Variants in NRXN2 observed in about 807,000 individuals in gnomAD.
NRXN2 encodes the protein neurexin 2.
A neutral mutation model predicts 128.8 loss-of-function variants in NRXN2; 29 were observed. The observed-to-expected ratio is 0.23, with a 90% CI of 0.17 to 0.31. NRXN2 has a LOEUF of 0.31. Ranked by LOEUF, NRXN2 falls within the 10% of genes least tolerant of loss-of-function variation. The probability of loss-of-function intolerance (pLI) is 1.00; values close to 1 mark genes in which losing one functional copy is unlikely to be tolerated. For synonymous variants in NRXN2, 1,098 were observed against 1,075.2 expected (o/e 1.02, Z -0.41); for missense variants, 1,881 against 2,452.6 (o/e 0.77, Z 4.92).
At chr11:64,628,156 C>CTTTG (rs763716849) in intron 19 of NRXN2, among the ~76,000 whole-genome samples, 2 of 152,192 alleles carry the variant, frequency 1.3e-5, no homozygotes, top group Non-Finnish European at 2.9e-5. Context: ...TATTGAGCAC[C>CTTTG]TTTGCTATGC....
In NRXN2 at chr11:64,635,403, C is replaced by A; in HGVS notation, c.3453G>T (p.Thr1151=). ...TGCTGGGCCTGTCATTGGGGGGCCA[C>A]GTGTAGGTGATGAGCGCTCCCCCCT... ...FGKGGALITY[T]WPPNDRPSTR... is the part of the protein sequence containing the mutation. Residue 1151 remains threonine (T), a synonymous_variant, in exon 18 of 23, where the codon ACG becomes ACT. Transcript: ENST00000265459. The surrounding 1 kb of genome is among the most constrained non-coding windows in gnomAD (Gnocchi z 4.8). 1 of 1,613,772 alleles carries A rather than the reference C, an allele frequency of 6.2e-7. No individual in the cohort carries two copies. The highest frequency in any genetic ancestry group is 2.2e-5 in the East Asian group (1 of 44,868).
intron 6 of NRXN2, among the ~76,000 whole-genome samples, chr11:64,682,303 G>A (rs966328134): frequency 8.0e-5 from 12 of 150,702 alleles, no homozygotes; most frequent in African/African-American, 2.7e-4. Context: ...CTCCATCCTT[G>A]GCAGACTCTA....
chr11:64,671,491 C>G (rs1201142182), intron 7 of NRXN2, among the ~76,000 whole-genome samples: 1 of 152,116 alleles, frequency 6.6e-6, no homozygotes, highest in Admixed American at 6.5e-5. Flanking sequence ...CCCCTGCCCC[C>G]CAACCTCCCC....
rs1287929853 is a variant in NRXN2, at chr11:64,635,773, A to G, written c.3404-321T>C. On this transcript the variant is annotated intron_variant, in intron 17 of 22. Coordinates refer to ENST00000265459, the MANE Select transcript of NRXN2 (RefSeq NM_015080.4). This position sits in a 1 kb window ranked among gnomAD's most constrained non-coding sequence, Gnocchi z 4.8. The stretch of plus-strand genomic sequence containing the variant: ...GCTGTAAGGAGACTGAGAAGACAAG[A>G]GTGCTGTGGGCAGGAAAGACCCAGG... 1.3e-5 allele frequency among the ~76,000 whole-genome samples: 2 copies of G among 152,182 alleles called. No homozygotes were observed. The highest frequency in any genetic ancestry group is 3.9e-4 in the East Asian group (2 of 5,188).
At chr11:64,697,845 G>C (rs2054782995) in intron 2 of NRXN2, 53 bp from the exon 3 acceptor site, 1 of 1,609,040 alleles carries the variant, frequency 6.2e-7, no homozygotes, top group Non-Finnish European at 8.5e-7. Context: ...AGAAAAAGGA[G>C]GGCTGTTAGC....
chr11:64,700,834 G>A (rs1436099589), intron 2 of NRXN2, among the ~76,000 whole-genome samples: 1 of 152,148 alleles, frequency 6.6e-6, no homozygotes, highest in East Asian at 1.9e-4. Flanking sequence ...CTGTCTCTGA[G>A]TGTCTCATGG....
chr11:64,700,277 G>T (rs2055150949), intron 2 of NRXN2, among the ~76,000 whole-genome samples: 1 of 152,130 alleles, frequency 6.6e-6, no homozygotes, highest in Non-Finnish European at 1.5e-5. Context: ...CAGTGCAATT[G>T]CTCGTCCAAC....
rs745372592 is a variant in NRXN2, at chr11:64,660,475, A to C, written c.2246T>G (p.Met749Arg). 2 of 1,614,196 alleles carry C rather than the reference A, an allele frequency of 1.2e-6. No individual in the cohort carries two copies. The highest frequency in any genetic ancestry group is 2.2e-5 in the South Asian group (2 of 91,084). The change falls in exon 11 of 23, where the codon ATG (methionine) becomes AGG (arginine). Residue 749 changes from methionine to arginine, a missense_variant. By Grantham distance (91) the Met-to-Arg change is moderately conservative. Around this residue, in one of 7 missense-constraint regions of NRXN2, gnomAD observed 997 missense variants for 1,240.8 expected, o/e 0.80. Transcript: ENST00000265459. The surrounding 1 kb of genome is among the most constrained non-coding windows in gnomAD (Gnocchi z 5.2). The part of the protein sequence containing the change: ...MYMKIMLPNA[M>R]HTEAEDVSLR... ...GGACACATCCTCTGCCTCCGTGTGCATGGCGTTAGGCAGCATGATCTTCAT... is the reference window on the plus strand; with the variant it reads ...GGACACATCCTCTGCCTCCGTGTGCCTGGCGTTAGGCAGCATGATCTTCAT...
At chr11:64,647,640 G>T (rs1020973161) in intron 17 of NRXN2, among the ~76,000 whole-genome samples, 1 of 152,176 alleles carries the variant, frequency 6.6e-6, no homozygotes, top group Non-Finnish European at 1.5e-5. Context: ...AACTGCAGCC[G>T]GGATTATTGG....
rs561938187 is a variant in NRXN2 at position 64,668,964 on chromosome 11, G to A, written c.1198-360C>T. ...GACGGATCCCCCATTCTGGGGCACAGGATGGGTGCAAATGGCATCCTCACT... is the reference window on the plus strand; with the variant it reads ...GACGGATCCCCCATTCTGGGGCACAAGATGGGTGCAAATGGCATCCTCACT... On this transcript the variant is annotated intron_variant, in intron 7 of 22. Transcript: ENST00000265459. Among the ~76,000 whole-genome samples the A allele has an allele frequency of 2.0e-5, 3 of 152,250 alleles. No homozygotes were observed. In the East Asian group the frequency reaches 5.8e-4, roughly 30 times the overall value.
intron 9 of NRXN2, chr11:64,661,489 T>TG: frequency 1.1e-6 from 1 of 919,138 alleles, no homozygotes; most frequent in South Asian, 2.6e-5. Flanking sequence ...GATCATTCAC[T>TG]GGGTCATTCC....
At chr11:64,628,191 A>G (rs2043350585) in intron 19 of NRXN2, among the ~76,000 whole-genome samples, 1 of 152,228 alleles carries the variant, frequency 6.6e-6, no homozygotes, top group South Asian at 2.1e-4. Flanking sequence ...GTTTAATGAC[A>G]TTCTCACAGT....
Position 64,713,848 on chromosome 11 carries a change from GAGGCGC to G in NRXN2, c.-155_-150del, listed in dbSNP as rs1262116429. 6.7e-6 allele frequency: 2 copies of G among 296,550 alleles called. No individual in the cohort carries two copies. Among genetic ancestry groups the G allele is most frequent in the Admixed American group, 1.2e-4 (2 of 16,020 alleles). 18.4% of individuals were successfully genotyped at this position (296,550 alleles called of 1,614,324 possible). On this transcript the variant is annotated 5_prime_UTR_variant, in exon 2 of 23. Transcript: ENST00000265459. ...AGTGCCATGGGCCCGGCCGCGGGGC[GAGGCGC>G]GCAGAGGCCCAGATGCCGGCTTCCC...
chr11:64,692,001 G>A (rs1035414212), intron 4 of NRXN2, among the ~76,000 whole-genome samples: 1 of 152,242 alleles, frequency 6.6e-6, no homozygotes, highest in African/African-American at 2.4e-5. Flanking sequence ...AGTGACAGCA[G>A]AGGGCTAGAG....
At position 64,648,262 on chromosome 11, in the gene NRXN2, G is replaced by A. The variant is rs770043432; in HGVS notation, c.3360C>T (p.Cys1120=). The part of the protein sequence containing the change: ...VCLQQWDGFT[C]DCTMTSYGGP... ...CTCCATAGGAAGTCATGGTGCAGTC[G>A]CAGGTGAAGCCATCCCACTGCTGCA... The change falls in exon 17 of 23, where the codon TGC becomes TGT. Residue 1120 remains cysteine, a synonymous_variant. Coordinates refer to ENST00000265459, the MANE Select transcript of NRXN2 (RefSeq NM_015080.4). The surrounding 1 kb of genome is among the most constrained non-coding windows in gnomAD (Gnocchi z 4.1). The A allele has an allele frequency of 5.6e-6, 9 of 1,614,104 alleles. No individual in the cohort carries two copies. The highest frequency in any genetic ancestry group is 6.8e-6 in the Non-Finnish European group (8 of 1,180,046).
chr11:64,634,235 G>C (rs1006650249), intron 18 of NRXN2, among the ~76,000 whole-genome samples: 7 of 152,216 alleles, frequency 4.6e-5, no homozygotes, highest in African/African-American at 1.4e-4. Flanking sequence ...CCTGGCCAGG[G>C]TGAGCATGTG....
At position 64,622,869 on chromosome 11, in the gene NRXN2, T is replaced by C; in HGVS notation, c.4057A>G (p.Thr1353Ala). Residue 1353 changes from threonine to alanine, a missense_variant, in exon 21 of 23, where the codon ACG becomes GCG. Thr to Ala is a moderately conservative substitution (Grantham distance 58). Transcript: ENST00000265459. The surrounding 1 kb of genome is among the most constrained non-coding windows in gnomAD (Gnocchi z 4.3). ...ATGTCAGCCAGCAGGGTGGTGGCCG[T>C]GGTCTCCGCACTGAGCAGCACGGAC... Reference protein sequence around the residue: ...GPSVLLSAETTATTLLADMAT... With the variant: ...GPSVLLSAETAATTLLADMAT... 6.2e-7 allele frequency: 1 copy of C among 1,612,884 alleles called. No homozygotes were observed. The highest frequency in any genetic ancestry group is 1.1e-5 in the South Asian group (1 of 91,002).
intron 2 of NRXN2, among the ~76,000 whole-genome samples, chr11:64,711,937 C>A (rs567771243): frequency 3.4e-4 from 51 of 151,874 alleles, no homozygotes; most frequent in African/African-American, 1.2e-3. Context: ...CCCTCGCCTG[C>A]GCTGGAATCG....
chr11:64,708,451 C>T (rs1234284744), intron 2 of NRXN2, among the ~76,000 whole-genome samples: 1 of 152,208 alleles, frequency 6.6e-6, no homozygotes, highest in African/African-American at 2.4e-5. Context: ...GAAGCACTGT[C>T]ATGCAAACCA....
Sources: gnomAD v4.1 joint callset for allele counts (sites outside exome capture counted in the v4.1 genomes callset) on GRCh38, gnomAD v4.1.1 for gene constraint, gnomAD v4.1.1 regional missense constraint, Gnocchi (gnomAD v3.1) non-coding constraint, MANE v1.5 for transcripts, NCBI Gene and HGNC (gene_info 2026-07-23, HGNC 2026-07-21) for gene names.